The following ZNF90 variants were observed in gnomAD, a reference collection of about 807,000 sequenced individuals.
The protein encoded by ZNF90 is zinc finger protein 90, also known as zinc finger protein HTF9.
In ZNF90, 11 loss-of-function variants were observed where a neutral mutation model predicts 12.0. That is an observed-to-expected ratio of 0.92 (90% confidence interval 0.58 to 1.52). ZNF90 has a LOEUF of 1.52. Among genes scored for constraint, ZNF90 ranks in the 40% most tolerant of loss-of-function variants. The probability of loss-of-function intolerance (pLI) is 0.00; values close to 1 mark genes in which losing one functional copy is unlikely to be tolerated. For missense variants in ZNF90, 765 were observed against 711.5 expected (o/e 1.08, Z -0.86); for synonymous variants, 232 against 240.1 (o/e 0.97, Z 0.31).
intron 3 of ZNF90, 194 bp from the exon 4 acceptor site, chr19:20,117,587 A>G (rs1342347395): frequency 2.0e-6 from 2 of 985,026 alleles, no homozygotes; most frequent in South Asian, 9.4e-5. Flanking sequence ...GCCCACCACC[A>G]TGCCTGGTTA....
At chr19:20,113,696 C>T (rs1392119985) in intron 3 of ZNF90, among the ~76,000 whole-genome samples, 2 of 151,974 alleles carry the variant, frequency 1.3e-5, no homozygotes, top group East Asian at 3.9e-4. Flanking sequence ...GGCGTGTTGG[C>T]GGGCGCTTAT....
Position 20,118,355 on chromosome 19 carries a change from G to A in ZNF90, c.801G>A (p.Lys267=). 1 of 1,565,204 alleles carries A rather than the reference G, an allele frequency of 6.4e-7. No individual in the cohort carries two copies. The change falls in exon 4 of 4, where the codon AAG becomes AAA. Residue 267 remains lysine (K), a synonymous_variant. Coordinates refer to ENST00000418063, the MANE Select transcript of ZNF90 (RefSeq NM_007138.2). ...GTGAAGATTGTGGCAAAGAATTAAA[G>A]TATTCCTCTACCCTTACTGCACATA... ...YKCEDCGKEL[K]YSSTLTAHKR... is the part of the protein sequence containing the mutation.
At chr19:20,081,397 C>G (rs1388180694) in intron 1 of ZNF90, among the ~76,000 whole-genome samples, 1 of 152,150 alleles carries the variant, frequency 6.6e-6, no homozygotes, top group Non-Finnish European at 1.5e-5. Flanking sequence ...CCATGTTGGC[C>G]ACGCTGGTCT....
intron 1 of ZNF90, among the ~76,000 whole-genome samples, chr19:20,099,339 G>A (rs1471914376): frequency 6.6e-6 from 1 of 152,064 alleles, no homozygotes; most frequent in Non-Finnish European, 1.5e-5. Context: ...GCACACGTTT[G>A]AGCAGACCAA....
intron 1 of ZNF90, among the ~76,000 whole-genome samples, chr19:20,095,938 CGT>C (rs375062348): frequency 7.9e-5 from 12 of 152,302 alleles, no homozygotes; most frequent in East Asian, 7.7e-4. Flanking sequence ...ACCCTTGAAA[CGT>C]GAGTGTATAA....
Position 20,117,961 on chromosome 19 carries a change from G to A in ZNF90, c.407G>A (p.Cys136Tyr). Residue 136 changes from cysteine to tyrosine, a missense_variant, in exon 4 of 4, where the codon TGT (cysteine) becomes TAT (tyrosine). Physicochemically the swap from Cys to Tyr is radical, Grantham distance 194 (BLOSUM62 -2). Transcript: ENST00000418063. ...HKRGYNGLNQ[C>Y]LTATQSKVFQ... Reference sequence around the variant, plus strand: ...AGAGGTTATAATGGACTTAACCAATGTTTGACAGCTACCCAGAGCAAAGTA... The same window carrying A: ...AGAGGTTATAATGGACTTAACCAATATTTGACAGCTACCCAGAGCAAAGTA... 6.2e-7 allele frequency: 1 copy of A among 1,613,516 alleles called. No homozygotes were observed. Among genetic ancestry groups the A allele is most frequent in the East Asian group, 2.2e-5 (1 of 44,862 alleles).
At chr19:20,079,739 A>T in intron 1 of ZNF90, 1 of 199,598 alleles carries the variant, frequency 5.0e-6, no homozygotes, top group Admixed American at 5.5e-5. Context: ...AGCTTGAGGG[A>T]GGCATATAAG....
At position 20,118,172 on chromosome 19, in the gene ZNF90, T is replaced by C; in HGVS notation, c.618T>C (p.Cys206=). 6.2e-7 allele frequency: 1 copy of C among 1,613,118 alleles called. No homozygotes were observed. The highest frequency in any genetic ancestry group is 8.5e-7 in the Non-Finnish European group (1 of 1,179,462). Residue 206 remains cysteine (C), a synonymous_variant, in exon 4 of 4, where the codon TGT becomes TGC. Transcript: ENST00000418063. ...TGEITCKCEE[C]GKAFNRSSHL... ...AGATAACCTGCAAATGTGAAGAATG[T>C]GGCAAAGCCTTCAACAGGTCCTCAC...
intron 1 of ZNF90, among the ~76,000 whole-genome samples, chr19:20,092,650 G>A (rs1555702845): frequency 1.3e-5 from 2 of 152,286 alleles, no homozygotes; most frequent in East Asian, 1.9e-4. Context: ...CAACCATGCC[G>A]AGGAAGGAAA....
At chr19:20,117,179 A>G (rs1555705755) in intron 3 of ZNF90, among the ~76,000 whole-genome samples, 1 of 151,594 alleles carries the variant, frequency 6.6e-6, no homozygotes, top group Non-Finnish European at 1.5e-5. Flanking sequence ...AGTAGCTAGG[A>G]TTACAGGTAC....
At chr19:20,090,725 G>C (rs2088895792) in intron 1 of ZNF90, among the ~76,000 whole-genome samples, 1 of 152,208 alleles carries the variant, frequency 6.6e-6, no homozygotes, top group Non-Finnish European at 1.5e-5. Context: ...TAGAGGGCTG[G>C]TGTCTGGGAT....
chr19:20,091,392 G>A (rs1057515258), intron 1 of ZNF90, among the ~76,000 whole-genome samples: 1 of 152,310 alleles, frequency 6.6e-6, no homozygotes, highest in East Asian at 1.9e-4. Flanking sequence ...ACATGGAAGA[G>A]GTTATGAAAT....
At chr19:20,082,739 C>T (rs142592664) in intron 1 of ZNF90, among the ~76,000 whole-genome samples, 3,256 of 152,212 alleles carry the variant, frequency 0.021, 140 homozygotes, top group African/African-American at 0.074. Flanking sequence ...ACCTGACCAT[C>T]CCCCAGCCCG....
intron 3 of ZNF90, among the ~76,000 whole-genome samples, chr19:20,113,452 C>G (rs2089108182): frequency 6.6e-6 from 1 of 152,054 alleles, no homozygotes; most frequent in African/African-American, 2.4e-5. Flanking sequence ...CTTGGCCTCC[C>G]AAAGTGCTGG....
At chr19:20,102,155 AATGTCAGT>A (rs1202672846) in intron 1 of ZNF90, among the ~76,000 whole-genome samples, 1 of 152,176 alleles carries the variant, frequency 6.6e-6, no homozygotes, top group Non-Finnish European at 1.5e-5. Flanking sequence ...AAAGAACCAA[AATGTCAGT>A]ATGTTCATCT....
chr19:20,118,798 A>G lies in ZNF90; in HGVS notation c.1244A>G (p.His415Arg), dbSNP rs782113626. 13 of 1,605,202 alleles carry G rather than the reference A, an allele frequency of 8.1e-6. No individual in the cohort carries two copies. The highest frequency in any genetic ancestry group is 9.4e-6 in the Non-Finnish European group (11 of 1,175,614). Residue 415 changes from histidine to arginine, a missense_variant, in exon 4 of 4, where the codon CAT (histidine) becomes CGT (arginine). By Grantham distance (29) the His-to-Arg change is conservative. Transcript: ENST00000418063. ...AAGCGCTCCTCAACACTTACTATAC[A>G]TAAGATAAGTCATACTGAAGAGAAA... ...AFKRSSTLTI[H>R]KISHTEEKPY...
At chr19:20,084,779 A>G (rs376705689) in intron 1 of ZNF90, among the ~76,000 whole-genome samples, 8 of 152,176 alleles carry the variant, frequency 5.3e-5, no homozygotes, top group African/African-American at 1.4e-4. Flanking sequence ...TTAGCTTCAT[A>G]TATGTCTTCT....
intron 1 of ZNF90, among the ~76,000 whole-genome samples, chr19:20,101,156 G>A (rs1454403150): frequency 2.2e-4 from 33 of 152,266 alleles, no homozygotes; most frequent in Admixed American, 2.1e-3. Context: ...CAGGGTGTCC[G>A]CTGTGCTCCT....
Position 20,118,828 on chromosome 19 carries a change from A to G in ZNF90, c.1274A>G (p.Tyr425Cys), listed in dbSNP as rs782422559. ...ATAAGTCATACTGAAGAGAAACCCT[A>G]CAAATGTCAAGAATGTGACAAAGTC... is the stretch of plus-strand genomic sequence containing the variant. ...HKISHTEEKP[Y>C]KCQECDKVFK... Residue 425 changes from tyrosine to cysteine, a missense_variant, in exon 4 of 4, where the codon TAC (tyrosine) becomes TGC (cysteine). Transcript: ENST00000418063. The G allele has an allele frequency of 2.5e-6, 4 of 1,603,930 alleles. No individual in the cohort carries two copies. The highest frequency in any genetic ancestry group is 3.4e-6 in the Non-Finnish European group (4 of 1,175,048).
Sources: allele counts gnomAD v4.1 joint callset (sites outside exome capture counted in the v4.1 genomes callset), GRCh38; gene constraint gnomAD v4.1.1; transcripts MANE v1.5; gene names NCBI Gene and HGNC (gene_info 2026-07-23, HGNC 2026-07-21).